TAOK2: variants seen among roughly 807,000 people sequenced by gnomAD.
TAOK2 encodes TAO kinase 2.
Under a neutral mutation model 122.5 loss-of-function variants are expected in TAOK2, and 42 were observed. The observed-to-expected ratio is 0.34, with a 90% CI of 0.27 to 0.44. The LOEUF (loss-of-function observed/expected upper bound fraction) is 0.44, where lower values mean the gene tolerates loss of function less well. Among genes scored for constraint, TAOK2 ranks in the 20% least tolerant of loss-of-function variants. The probability of loss-of-function intolerance (pLI) is 1.00; values close to 1 mark genes in which losing one functional copy is unlikely to be tolerated. For missense variants in TAOK2, 1,264 were observed against 1,644.9 expected, an observed-to-expected ratio of 0.77 and a Z score of 4.01; for synonymous variants, 704 against 677.6, an observed-to-expected ratio of 1.04 and a Z score of -0.61.
Position 29,988,196 on chromosome 16 carries a change from G to C in TAOK2, c.*216G>C. 7.0e-7 allele frequency: 1 copy of C among 1,434,258 alleles called. No homozygotes were observed. The highest frequency in any genetic ancestry group is 1.5e-5 in the South Asian group (1 of 66,648). The allele number at this position is 1,434,258 out of a possible 1,614,324, so 88.8% of individuals were successfully genotyped here. On this transcript the variant is annotated 3_prime_UTR_variant, in exon 16 of 16. Coordinates refer to ENST00000308893, the MANE Select transcript of TAOK2 (RefSeq NM_016151.4). ...TGTTCTCCTGGCGCTCCTCCCCTAAGTTATTGCTGTTCGCCCGCTGTGTGT... is the reference window on the plus strand; with the variant it reads ...TGTTCTCCTGGCGCTCCTCCCCTAACTTATTGCTGTTCGCCCGCTGTGTGT...
rs199646401 is a variant in TAOK2 at position 29,987,949 on chromosome 16, G to A, written c.3677G>A (p.Arg1226His). ...GTLAGRRSRTRQSRALPPWR is the reference protein window; with the variant it reads ...GTLAGRRSRTHQSRALPPWR ...CTAGCCGGGCGGAGGTCACGCACCC[G>A]CCAGTCCCGGGCCCTGCCCCCCTGG... The change falls in exon 16 of 16, where the codon CGC becomes CAC. Residue 1226 changes from arginine (R) to histidine (H), a missense_variant. Arg to His is a conservative substitution (Grantham distance 29, BLOSUM62 0). This residue lies in a region of TAOK2 where 824 missense variants were observed against 908.7 expected (regional missense o/e 0.91). Coordinates refer to ENST00000308893, the MANE Select transcript of TAOK2 (RefSeq NM_016151.4). 310 of 1,547,614 alleles carry A rather than the reference G, an allele frequency of 2.0e-4. 3 individuals carry two copies. In the African/African-American group the frequency reaches 3.3e-3, roughly 17 times the overall value.
intron 10 of TAOK2, 58 bp from the exon 11 acceptor site, chr16:29,982,676 C>T: frequency 6.3e-7 from 1 of 1,577,998 alleles, no homozygotes; most frequent in Admixed American, 1.7e-5. Flanking sequence ...ATGCCAAGGG[C>T]TGTGGGTTGT....
Position 29,981,956 on chromosome 16 carries a change from C to A in TAOK2, c.831+16C>A. ...TCTCCTGAAGGTGAGGGCCTGCTGG[C>A]CTAGCATTCTCCTGGAACTGTAGCT... On this transcript the variant is annotated intron_variant, in intron 10 of 15. Transcript: ENST00000308893. 1 of 1,602,158 alleles carries A rather than the reference C, an allele frequency of 6.2e-7. No individual in the cohort carries two copies.
Position 29,988,212 on chromosome 16 carries a change from C to T in TAOK2, c.*232C>T, listed in dbSNP as rs768816151. 6.4e-5 allele frequency: 92 copies of T among 1,433,290 alleles called. No individual in the cohort carries two copies. The highest frequency in any genetic ancestry group is 1.2e-4 in the Admixed American group (4 of 34,562). 88.8% of individuals were successfully genotyped at this position (1,433,290 alleles called of 1,614,324 possible). A position where few individuals can be genotyped will look rare whatever the true frequency, so the allele number is the denominator to read the frequency against. On this transcript the variant is annotated 3_prime_UTR_variant, in exon 16 of 16. Transcript: ENST00000308893. ...CTCCCCTAAGTTATTGCTGTTCGCC[C>T]GCTGTGTGTGCTCATCCTCACCCTC...
chr16:29,982,614 C>T lies in TAOK2; in HGVS notation c.832-120C>T. On this transcript the variant is annotated intron_variant, in intron 10 of 15. Coordinates refer to ENST00000308893, the MANE Select transcript of TAOK2 (RefSeq NM_016151.4). Reference sequence around the variant, plus strand: ...AGAGAAGGGCTTGGGATAAGGCCAGCATCAACCCGTGGTGGGCGTGGGCCC... The same window carrying T: ...AGAGAAGGGCTTGGGATAAGGCCAGTATCAACCCGTGGTGGGCGTGGGCCC... The T allele has an allele frequency of 3.0e-6, 4 of 1,343,538 alleles. No homozygotes were observed. In the South Asian group the frequency reaches 4.2e-5, roughly 14 times the overall value. 83.2% of individuals were successfully genotyped at this position (1,343,538 alleles called of 1,614,324 possible).
Position 29,987,941 on chromosome 16 carries a change from ACGCACC to A in TAOK2, c.3673_3678del (p.Thr1225_Arg1226del). ...CAGGGACTCTAGCCGGGCGGAGGTC[ACGCACC>A]CGCCAGTCCCGGGCCCTGCCCCCCT... On this transcript the variant is annotated inframe_deletion, in exon 16 of 16. Transcript: ENST00000308893. 1.3e-6 allele frequency: 2 copies of A among 1,536,490 alleles called. No homozygotes were observed. Among genetic ancestry groups the A allele is most frequent in the Non-Finnish European group, 1.7e-6 (2 of 1,147,032 alleles).
chr16:29,978,202 C>A (rs778152707), intron 3 of TAOK2, 42 bp downstream of exon 3: 12 of 1,613,858 alleles, frequency 7.4e-6, no homozygotes, highest in Non-Finnish European at 9.3e-6. Context: ...ACAGGGGACT[C>A]CTGTCTCAAG....
At chr16:29,990,775 C>G, downstream of TAOK2, 2 of 1,598,724 alleles carry the variant, frequency 1.3e-6, no homozygotes, top group Non-Finnish European at 1.7e-6. Flanking sequence ...GGTTGTTCAT[C>G]TTCCCCAGCT....
chr16:29,990,594 A>T, downstream of TAOK2: 1 of 490,960 alleles, frequency 2.0e-6, no homozygotes. Flanking sequence ...CCTCGAGCAC[A>T]TGTGCAAGTA....
In TAOK2 at chr16:29,987,131, C is replaced by T. The variant is rs578128530; in HGVS notation, c.2859C>T (p.Ala953=). The T allele has an allele frequency of 1.6e-5, 25 of 1,596,740 alleles. No homozygotes were observed. Among genetic ancestry groups the T allele is most frequent in the South Asian group, 7.9e-5 (7 of 88,482 alleles). The change falls in exon 16 of 16, where the codon GCC becomes GCT. Residue 953 remains alanine (A), a synonymous_variant. Coordinates refer to ENST00000308893, the MANE Select transcript of TAOK2 (RefSeq NM_016151.4). ...LPGLLSHGLL[A]GLSFAVGSSS... ...GACTCCTGTCCCATGGCCTCCTGGCCGGCCTCTCCTTTGCAGTGGGGTCCT... is the reference window on the plus strand; with the variant it reads ...GACTCCTGTCCCATGGCCTCCTGGCTGGCCTCTCCTTTGCAGTGGGGTCCT...
At chr16:29,991,304 G>T, downstream of TAOK2, 1 of 1,610,848 alleles carries the variant, frequency 6.2e-7, no homozygotes, top group Non-Finnish European at 8.5e-7. The surrounding 1 kb of genome is among the most constrained non-coding windows in gnomAD (Gnocchi z 5.6). Flanking sequence ...CACCAGGCAT[G>T]CCCCCTCCAG....
Position 29,978,978 on chromosome 16 carries a change from C to T in TAOK2, c.357C>T (p.His119=). The T allele has an allele frequency of 6.2e-7, 1 of 1,614,172 alleles. No individual in the cohort carries two copies. ...ATGTTCTTCCTCACTCTCCAGTGCA[C>T]AAGAAACCCCTTCAGGAGGTAGAGA... ...LGSASDLLEV[H]KKPLQEVEIA... is the part of the protein sequence containing the mutation. The change falls in exon 6 of 16, where the codon CAC becomes CAT. Residue 119 remains histidine, a synonymous_variant. Coordinates refer to ENST00000308893, the MANE Select transcript of TAOK2 (RefSeq NM_016151.4).
chr16:29,986,022 T>C lies in TAOK2; in HGVS notation c.1992+161T>C, dbSNP rs961292054. ...TTTACTTCTCATCCCCAACAGACCC[T>C]GCCAGAATTTCCTTAGGCCTCTTTT... On this transcript the variant is annotated intron_variant, in intron 15 of 15. Transcript: ENST00000308893. The surrounding 1 kb of genome is among the most constrained non-coding windows in gnomAD (Gnocchi z 4.2). Among the ~76,000 whole-genome samples, 1 of 152,170 alleles carries C rather than the reference T, an allele frequency of 6.6e-6. No homozygotes were observed. Among genetic ancestry groups the C allele is most frequent in the Non-Finnish European group, 1.5e-5 (1 of 68,020 alleles).
chr16:29,987,342 A>G lies in TAOK2; in HGVS notation c.3070A>G (p.Thr1024Ala), dbSNP rs1156261345. ...SSLFLLLAQGTALGAVLGLSW... is the reference protein window; with the variant it reads ...SSLFLLLAQGAALGAVLGLSW... The stretch of plus-strand genomic sequence containing the variant: ...TCTTTTCCTACTCCTGGCCCAGGGT[A>G]CCGCACTGGGGGCCGTCCTGGGCCT... Residue 1024 changes from threonine (T) to alanine (A), a missense_variant, in exon 16 of 16, where the codon ACC (threonine) becomes GCC (alanine). Physicochemically the swap from Thr to Ala is moderately conservative, Grantham distance 58. Transcript: ENST00000308893. 33 of 1,554,104 alleles carry G rather than the reference A, an allele frequency of 2.1e-5. No individual in the cohort carries two copies. The highest frequency in any genetic ancestry group is 2.6e-5 in the Non-Finnish European group (30 of 1,151,364).
intron 4 of TAOK2, 131 bp from the exon 5 acceptor site, chr16:29,978,668 C>G: frequency 1.0e-6 from 1 of 1,002,216 alleles, no homozygotes; most frequent in Non-Finnish European, 1.5e-6. Flanking sequence ...ACCACCCCCT[C>G]ATTGTCTCCA....
chr16:29,989,234 G>A, downstream of TAOK2: 1 of 985,192 alleles, frequency 1.0e-6, no homozygotes, highest in Non-Finnish European at 1.2e-6. Flanking sequence ...GAGCTTCCAA[G>A]ATCCTCAGTT....
chr16:29,989,662 C>T (rs759107157), downstream of TAOK2: 1 of 1,614,128 alleles, frequency 6.2e-7, no homozygotes, highest in East Asian at 2.2e-5. Flanking sequence ...GTACAAGGCT[C>T]TGCGAGCACA....
chr16:29,977,972 G>C, intron 2 of TAOK2, 68 bp downstream of exon 2: 1 of 1,612,516 alleles, frequency 6.2e-7, no homozygotes, highest in Non-Finnish European at 8.5e-7. Context: ...CTTCCCAACA[G>C]CCCTTGCACA....
chr16:29,983,546 C>A lies in TAOK2; in HGVS notation c.1304C>A (p.Thr435Asn), dbSNP rs774195295. 2.0e-5 allele frequency: 32 copies of A among 1,613,718 alleles called. No individual in the cohort carries two copies. Among genetic ancestry groups the A allele is most frequent in the Non-Finnish European group, 2.5e-5 (30 of 1,179,962 alleles). ...LYDDPYQPEI[T>N]PSPLQPPAAP... is the part of the protein sequence containing the mutation. ...GATGACCCCTACCAGCCAGAGATAA[C>A]CCCCAGCCCTCTCCAGCCGCCTGCA... is the stretch of plus-strand genomic sequence containing the variant. Residue 435 changes from threonine to asparagine, a missense_variant, in exon 13 of 16, where the codon ACC becomes AAC. Physicochemically the swap from Thr to Asn is moderately conservative, Grantham distance 65 (BLOSUM62 0). Around this residue, in one of 4 missense-constraint regions of TAOK2, gnomAD observed 122 missense variants for 116.7 expected, o/e 1.04. Coordinates refer to ENST00000308893, the MANE Select transcript of TAOK2 (RefSeq NM_016151.4).
Sources: allele counts gnomAD v4.1 joint callset (sites outside exome capture counted in the v4.1 genomes callset), GRCh38; gene constraint gnomAD v4.1.1; regional missense constraint gnomAD v4.1.1; non-coding constraint Gnocchi (gnomAD v3.1); transcripts MANE v1.5; gene names NCBI Gene and HGNC (gene_info 2026-07-23, HGNC 2026-07-21).